The following CTNNA3 variants were observed in gnomAD, a reference collection of about 807,000 sequenced individuals.
CTNNA3 encodes catenin alpha 3.
Under a neutral mutation model 95.7 loss-of-function variants are expected in CTNNA3, and 76 were observed. The ratio of observed to expected loss-of-function variants is 0.79; its 90% CI spans 0.66 to 0.96. The LOEUF (loss-of-function observed/expected upper bound fraction) is 0.96, where lower values mean the gene tolerates loss of function less well. Among genes scored for constraint, CTNNA3 ranks in the 40% least tolerant of loss-of-function variants. The pLI is 0.00. For missense variants in CTNNA3, 1,191 were observed against 1,089.8 expected (o/e 1.09, Z -1.31); for synonymous variants, 431 against 374.4 (o/e 1.15, Z -1.74).
intron 7 of CTNNA3, among the ~76,000 whole-genome samples, chr10:66,979,401 C>T (rs1477795029): frequency 6.6e-6 from 1 of 152,022 alleles, no homozygotes; most frequent in East Asian, 1.9e-4. Flanking sequence ...TGGAAGTTTT[C>T]CTCATTTTTA....
intron 10 of CTNNA3, among the ~76,000 whole-genome samples, chr10:66,561,638 G>A (rs1156880486): frequency 6.6e-6 from 1 of 152,040 alleles, no homozygotes; most frequent in Non-Finnish European, 1.5e-5. Flanking sequence ...GAAGTTAAAG[G>A]ACTCTGATGA....
chr10:67,086,690 T>C (rs1311885104), intron 7 of CTNNA3, among the ~76,000 whole-genome samples: 1 of 151,910 alleles, frequency 6.6e-6, no homozygotes, highest in Non-Finnish European at 1.5e-5. Context: ...TAAATGCCAA[T>C]GTTCAGGGAA....
chr10:67,759,366 C>T (rs1841450479), intron 1 of CTNNA3, among the ~76,000 whole-genome samples: 1 of 152,206 alleles, frequency 6.6e-6, no homozygotes, highest in East Asian at 1.9e-4. Context: ...CTCTAAAACT[C>T]TGCAGTTGTT....
chr10:66,386,654 A>G (rs1039484906), intron 11 of CTNNA3, among the ~76,000 whole-genome samples: 1 of 152,218 alleles, frequency 6.6e-6, no homozygotes, highest in Non-Finnish European at 1.5e-5. Flanking sequence ...TCCTAAGCAA[A>G]AATAACAAAG....
intron 8 of CTNNA3, among the ~76,000 whole-genome samples, chr10:66,768,164 G>A (rs78472847): frequency 6.6e-6 from 1 of 152,166 alleles, no homozygotes; most frequent in Admixed American, 6.5e-5. Flanking sequence ...CAGAGTGGGG[G>A]CATTTTTTAA....
At chr10:66,815,173 A>C (rs1359159894) in intron 7 of CTNNA3, among the ~76,000 whole-genome samples, 1 of 152,226 alleles carries the variant, frequency 6.6e-6, no homozygotes, top group Non-Finnish European at 1.5e-5. Context: ...AAAACACAGC[A>C]AAATCGTCAT....
intron 9 of CTNNA3, among the ~76,000 whole-genome samples, chr10:66,627,027 C>G (rs1844960742): frequency 6.6e-6 from 1 of 152,008 alleles, no homozygotes; most frequent in Admixed American, 6.6e-5. Flanking sequence ...AATAGACAGT[C>G]TTTCCCGAAG....
chr10:66,275,349 C>G (rs2091371679), intron 13 of CTNNA3, among the ~76,000 whole-genome samples: 1 of 152,190 alleles, frequency 6.6e-6, no homozygotes, highest in Admixed American at 6.5e-5. Flanking sequence ...AACTCCTGAG[C>G]TCAGGCAATC....
intron 12 of CTNNA3, among the ~76,000 whole-genome samples, chr10:66,303,202 C>T (rs1007250814): frequency 6.6e-6 from 1 of 151,738 alleles, no homozygotes; most frequent in Non-Finnish European, 1.5e-5. Flanking sequence ...GTTATTGTAA[C>T]CAGCACATTA....
chr10:66,696,802 G>A (rs931427569), intron 9 of CTNNA3, among the ~76,000 whole-genome samples: 6 of 151,952 alleles, frequency 3.9e-5, no homozygotes, highest in African/African-American at 1.5e-4. Flanking sequence ...ATCCAAGCAT[G>A]GTGGTGTGCG....
chr10:67,200,434 T>C (rs892422346), intron 6 of CTNNA3, among the ~76,000 whole-genome samples: 12 of 152,286 alleles, frequency 7.9e-5, no homozygotes, highest in African/African-American at 2.9e-4. Context: ...AAAATTCCTA[T>C]AGAACCAAGA....
At chr10:67,243,637 A>T (rs1240268155) in intron 5 of CTNNA3, among the ~76,000 whole-genome samples, 1 of 151,672 alleles carries the variant, frequency 6.6e-6, no homozygotes, top group African/African-American at 2.4e-5. Flanking sequence ...ACTTCCTACT[A>T]CTCCTGTCAC....
chr10:67,223,187 C>A (rs561524950), intron 5 of CTNNA3, among the ~76,000 whole-genome samples: 1 of 152,254 alleles, frequency 6.6e-6, no homozygotes, highest in East Asian at 1.9e-4. Context: ...CAAGGCATGA[C>A]CATTTCTCCC....
intron 7 of CTNNA3, among the ~76,000 whole-genome samples, chr10:66,910,041 C>T (rs1846156113): frequency 1.3e-5 from 2 of 152,012 alleles, no homozygotes; most frequent in Admixed American, 1.3e-4. Flanking sequence ...TATAAAAGTG[C>T]TTATGAGGAA....
chr10:66,764,347 G>A (rs1474959667), intron 9 of CTNNA3, among the ~76,000 whole-genome samples: 1 of 152,154 alleles, frequency 6.6e-6, no homozygotes, highest in Non-Finnish European at 1.5e-5. Context: ...GCATTCCCAA[G>A]TGTTCCTCGA....
At chr10:67,395,391 C>T (rs1844674636) in intron 5 of CTNNA3, among the ~76,000 whole-genome samples, 1 of 152,166 alleles carries the variant, frequency 6.6e-6, no homozygotes, top group African/African-American at 2.4e-5. Context: ...TAATTTAAAG[C>T]TGTGGGCCAG....
chr10:66,964,110 A>G lies in CTNNA3; in HGVS notation c.1048-188586T>C, dbSNP rs1373544770. 2.0e-5 allele frequency among the ~76,000 whole-genome samples: 3 copies of G among 151,968 alleles called. No individual in the cohort carries two copies. In the East Asian group the frequency reaches 5.8e-4, roughly 29 times the overall value. On this transcript the variant is annotated intron_variant, in intron 7 of 17. Coordinates refer to ENST00000433211, the MANE Select transcript of CTNNA3 (RefSeq NM_013266.4). ...CGTGATCTGCCTGCCTCAGCCTCCC[A>G]AAGTGCTGGGATTACAGGTGTGAGC...
chr10:66,840,350 TCTCTCTCTCTCTCTCTCTCTCTCACA>T (rs1564716048), intron 7 of CTNNA3, among the ~76,000 whole-genome samples: 2 of 122,336 alleles, frequency 1.6e-5, no homozygotes, highest in African/African-American at 4.0e-5. Context: ...TCTCTCTCTC[TCTCTCTCTCTCTCTCTCTCTCTCACA>T]CACACACACA....
At chr10:66,267,497 A>T (rs2091185004) in intron 13 of CTNNA3, among the ~76,000 whole-genome samples, 1 of 152,162 alleles carries the variant, frequency 6.6e-6, no homozygotes, top group African/African-American at 2.4e-5. Flanking sequence ...TACTTATCAC[A>T]ATGTATTCCT....
Sources: allele counts gnomAD v4.1 joint callset (sites outside exome capture counted in the v4.1 genomes callset), GRCh38; gene constraint gnomAD v4.1.1; transcripts MANE v1.5; gene names NCBI Gene and HGNC (gene_info 2026-07-23, HGNC 2026-07-21).